The following TTYH3 variants were observed in gnomAD, a reference collection of about 807,000 sequenced individuals.
The protein encoded by TTYH3 is tweety family member 3.
A neutral mutation model predicts 68.2 loss-of-function variants in TTYH3; 23 were observed. The ratio of observed to expected loss-of-function variants is 0.34; its 90% CI spans 0.24 to 0.48. TTYH3 has a LOEUF of 0.48. TTYH3 is among the 20% of genes least tolerant of loss of function. TTYH3 has a pLI of 0.99. For synonymous variants in TTYH3, 360 were observed against 332.8 expected, an observed-to-expected ratio of 1.08 and a Z score of -0.89; for missense variants, 768 against 727.7, an observed-to-expected ratio of 1.06 and a Z score of -0.64.
chr7:2,660,514 G>A, intron 13 of TTYH3: 1 of 985,344 alleles, frequency 1.0e-6, no homozygotes, highest in Non-Finnish European at 1.2e-6. Context: ...GTGCCTGCTT[G>A]GGCTCCTTCA....
chr7:2,656,596 A>C, intron 11 of TTYH3, 62 bp downstream of exon 11: 1 of 1,552,530 alleles, frequency 6.4e-7, no homozygotes, highest in South Asian at 1.2e-5. Flanking sequence ...GGGACACTTC[A>C]GGGGCATGCC....
intron 1 of TTYH3, among the ~76,000 whole-genome samples, chr7:2,646,558 G>A (rs1391584054): frequency 6.6e-6 from 1 of 152,226 alleles, no homozygotes; most frequent in East Asian, 1.9e-4. Context: ...AGCCACAGAA[G>A]CCTGGAGTCG....
chr7:2,647,513 C>G lies in TTYH3; in HGVS notation c.501C>G (p.Ala167=). 6.5e-7 allele frequency: 1 copy of G among 1,545,100 alleles called. No homozygotes were observed. Among genetic ancestry groups the G allele is most frequent in the Non-Finnish European group, 8.7e-7 (1 of 1,146,772 alleles). ...CCGGGCGGCCCGAGCCCCTGCGAGC[C>G]GTACAGAGGCTGCAGGGCCTGCTGG... The part of the protein sequence containing the change: ...QLAGRPEPLR[A]VQRLQGLLET... Residue 167 remains alanine, a synonymous_variant, in exon 4 of 14, where the codon GCC becomes GCG. Transcript: ENST00000258796.
chr7:2,632,285 T>A lies in TTYH3; in HGVS notation c.123+7T>A. The stretch of plus-strand genomic sequence containing the variant: ...GGACACCGACTACCAGCAGGTGACA[T>A]GGGCCTCTCGGGGTCGCGGGGTCAG... On this transcript the variant is annotated splice_region_variant and intron_variant, in intron 1 of 13. Coordinates refer to ENST00000258796, the MANE Select transcript of TTYH3 (RefSeq NM_025250.3). The A allele has an allele frequency of 6.4e-7, 1 of 1,572,156 alleles. No homozygotes were observed. Among genetic ancestry groups the A allele is most frequent in the Non-Finnish European group, 8.6e-7 (1 of 1,156,172 alleles).
intron 5 of TTYH3, chr7:2,648,299 T>C: frequency 2.0e-6 from 1 of 496,022 alleles, no homozygotes; most frequent in Non-Finnish European, 3.6e-6. Flanking sequence ...AGTCTGCACG[T>C]GGGGCACTTG....
intron 7 of TTYH3, among the ~76,000 whole-genome samples, chr7:2,650,250 G>A (rs115943052): frequency 0.011 from 1,620 of 152,336 alleles, 40 homozygotes; most frequent in African/African-American, 0.034. Flanking sequence ...GCTTCGAGTA[G>A]ATGCCCAGGG....
intron 4 of TTYH3, 52 bp downstream of exon 4, chr7:2,647,690 C>T (rs1470654197): frequency 2.6e-6 from 4 of 1,520,482 alleles, no homozygotes; most frequent in Middle Eastern, 1.7e-4. Context: ...GCATCACCCT[C>T]CTTGGGCCAA....
At chr7:2,653,076 T>A in intron 9 of TTYH3, 66 bp downstream of exon 9, 1 of 1,464,530 alleles carries the variant, frequency 6.8e-7, no homozygotes, top group Non-Finnish European at 9.3e-7. Flanking sequence ...GAAAGGAATT[T>A]GTGGTGCAAA....
At chr7:2,651,899 T>C (rs973734690) in intron 7 of TTYH3, among the ~76,000 whole-genome samples, 1 of 152,060 alleles carries the variant, frequency 6.6e-6, no homozygotes, top group Non-Finnish European at 1.5e-5. Context: ...TGTAAATGCA[T>C]GCAGACACAC....
intron 13 of TTYH3, chr7:2,659,871 A>G: frequency 7.9e-7 from 1 of 1,267,506 alleles, no homozygotes; most frequent in Middle Eastern, 2.2e-4. Context: ...CTGGCCCCAC[A>G]CCCTGGCGTT....
chr7:2,646,019 CTT>C (rs35440595), intron 1 of TTYH3: 2,637 of 290,182 alleles, frequency 9.1e-3, no homozygotes, highest in South Asian at 0.013. Flanking sequence ...AGCAGCAGCA[CTT>C]TTTTTTTTTT....
At chr7:2,639,171 G>T (rs952669267) in intron 1 of TTYH3, among the ~76,000 whole-genome samples, 1 of 152,262 alleles carries the variant, frequency 6.6e-6, no homozygotes, top group East Asian at 1.9e-4. Context: ...TTCAGCATCC[G>T]TGGAGGCAGG....
intron 1 of TTYH3, among the ~76,000 whole-genome samples, chr7:2,643,354 C>CAAA (rs34320575): frequency 8.7e-4 from 87 of 100,542 alleles, no homozygotes; most frequent in Non-Finnish European, 1.3e-3. Flanking sequence ...GACTCTGTCT[C>CAAA]AAAAAAAAAA....
Position 2,647,435 on chromosome 7 carries a change from G to A in TTYH3, c.423G>A (p.Val141=), listed in dbSNP as rs903155676. Residue 141 remains valine, a synonymous_variant, in exon 4 of 14, where the codon GTG becomes GTA. Transcript: ENST00000258796. The part of the protein sequence containing the change: ...GVQDRVWDTA[V]GLNHTAEPSL... ...CGGCGCAGGTGTGGGACACGGCGGTGGGGCTGAACCACACGGCGGAGCCCA... is the reference window on the plus strand; with the variant it reads ...CGGCGCAGGTGTGGGACACGGCGGTAGGGCTGAACCACACGGCGGAGCCCA... 10 of 1,522,432 alleles carry A rather than the reference G, an allele frequency of 6.6e-6. No homozygotes were observed. The Middle Eastern group carries it at 1.1e-3, about 174-fold the overall frequency. The allele number at this position is 1,522,432 out of a possible 1,614,324, so 94.3% of individuals were successfully genotyped here.
intron 10 of TTYH3, 92 bp from the exon 11 acceptor site, chr7:2,656,306 G>T: frequency 6.4e-7 from 1 of 1,566,720 alleles, no homozygotes; most frequent in Non-Finnish European, 8.7e-7. Context: ...TCTGGGGGGC[G>T]GTCCAGGCCG....
At chr7:2,632,404 C>T in intron 1 of TTYH3, 126 bp downstream of exon 1, 1 of 1,001,784 alleles carries the variant, frequency 1.0e-6, no homozygotes, top group Non-Finnish European at 1.4e-6. Flanking sequence ...GGGTCACGGC[C>T]ACCTCCTCCT....
Position 2,632,022 on chromosome 7 carries a change from C to A in TTYH3, c.-134C>A. On this transcript the variant is annotated 5_prime_UTR_variant, in exon 1 of 14. Transcript: ENST00000258796. ...CGCAGCCGAGCCGGGCCGAGCCGGG[C>A]CGGGCCGGGCCCAGGAGCGCGCGGA... 1 of 747,176 alleles carries A rather than the reference C, an allele frequency of 1.3e-6. No homozygotes were observed. Among genetic ancestry groups the A allele is most frequent in the Non-Finnish European group, 1.7e-6 (1 of 592,152 alleles). 46.3% of individuals were successfully genotyped at this position (747,176 alleles called of 1,614,324 possible).
At chr7:2,652,838 C>T in intron 8 of TTYH3, 80 bp from the exon 9 acceptor site, 1 of 1,160,038 alleles carries the variant, frequency 8.6e-7, no homozygotes, top group Non-Finnish European at 1.2e-6. Context: ...TTGCTGGTGT[C>T]CCCGCGTTGG....
At chr7:2,639,466 C>T (rs535712399) in intron 1 of TTYH3, among the ~76,000 whole-genome samples, 5 of 152,344 alleles carry the variant, frequency 3.3e-5, no homozygotes, top group Admixed American at 6.5e-5. Context: ...CCACAGCCTC[C>T]GAGCTCACGG....
Sources: gnomAD v4.1 joint callset for allele counts (sites outside exome capture counted in the v4.1 genomes callset) on GRCh38, gnomAD v4.1.1 for gene constraint, MANE v1.5 for transcripts, NCBI Gene and HGNC (gene_info 2026-07-23, HGNC 2026-07-21) for gene names.